The following ABHD6 variants were observed in gnomAD, a reference collection of about 807,000 sequenced individuals.
ABHD6 encodes the protein monoacylglycerol lipase ABHD6.
Under a neutral mutation model 38.8 loss-of-function variants are expected in ABHD6, and 33 were observed. That is an observed-to-expected ratio of 0.85 (90% CI 0.64 to 1.14). The LOEUF (loss-of-function observed/expected upper bound fraction) is 1.14. Ranked by LOEUF, ABHD6 falls within the 50% of genes most tolerant of loss-of-function variation. ABHD6 has a pLI of 0.00. For synonymous variants in ABHD6, 147 were observed against 161.6 expected (o/e 0.91, Z 0.69); for missense variants, 380 against 422.6 (o/e 0.90, Z 0.88).
chr3:58,240,525 G>GA (rs982159786), intron 1 of ABHD6, among the ~76,000 whole-genome samples: 3 of 151,650 alleles, frequency 2.0e-5, no homozygotes, highest in Admixed American at 6.6e-5. Context: ...TCTGCAAGTT[G>GA]AAAAAAAATT....
Position 58,264,521 on chromosome 3 carries a change from C to T in ABHD6, c.120-2668C>T, listed in dbSNP as rs1185252432. On this transcript the variant is annotated intron_variant, in intron 3 of 9. Transcript: ENST00000478253. The stretch of plus-strand genomic sequence containing the variant: ...CCCGGGCAATACAGGGAGACCCAGT[C>T]TCTACCTAAAAAATAAAAAAATTAG... Among the ~76,000 whole-genome samples, 3 of 151,630 alleles carry T rather than the reference C, an allele frequency of 2.0e-5. No homozygotes were observed. In the East Asian group the frequency reaches 5.8e-4, roughly 29 times the overall value.
At position 58,265,835 on chromosome 3, in the gene ABHD6, G is replaced by A. The variant is rs974264454; in HGVS notation, c.120-1354G>A. Reference sequence around the variant, plus strand: ...TAAGAGTGAGCCAGAAGCAAGAGGGGACCAGACTCACTTTTATCAGGAATC... The same window carrying A: ...TAAGAGTGAGCCAGAAGCAAGAGGGAACCAGACTCACTTTTATCAGGAATC... On this transcript the variant is annotated intron_variant, in intron 3 of 9. Transcript: ENST00000478253. This position sits in a 1 kb window ranked among gnomAD's most constrained non-coding sequence, Gnocchi z 4.2. Among the ~76,000 whole-genome samples the A allele has an allele frequency of 1.4e-4, 22 of 152,160 alleles. No individual in the cohort carries two copies. Among genetic ancestry groups the A allele is most frequent in the Non-Finnish European group, 2.4e-4 (16 of 68,036 alleles).
At chr3:58,281,656 A>C (rs2097453364) in intron 7 of ABHD6, among the ~76,000 whole-genome samples, 1 of 152,232 alleles carries the variant, frequency 6.6e-6, no homozygotes, top group African/African-American at 2.4e-5. Flanking sequence ...GGAAATGCAG[A>C]AATCACCCGC....
At chr3:58,277,273 C>T (rs1021180356) in intron 7 of ABHD6, among the ~76,000 whole-genome samples, 5 of 152,016 alleles carry the variant, frequency 3.3e-5, no homozygotes, top group Admixed American at 6.6e-5. Context: ...CATTTGTTAG[C>T]GTCCTCTTTT....
In ABHD6 at chr3:58,259,216, T is replaced by C. The variant is rs990127379; in HGVS notation, c.119+2511T>C. The stretch of plus-strand genomic sequence containing the variant: ...CTCATGTGGAAACTAGCCTCAATGC[T>C]GCATAGTCCCCCAACAGTTCCCTGG... On this transcript the variant is annotated intron_variant, in intron 3 of 9. Transcript: ENST00000478253. The surrounding 1 kb of genome is among the most constrained non-coding windows in gnomAD (Gnocchi z 4.7). 6.6e-5 allele frequency among the ~76,000 whole-genome samples: 10 copies of C among 152,350 alleles called. No homozygotes were observed. Among genetic ancestry groups the C allele is most frequent in the African/African-American group, 2.2e-4 (9 of 41,584 alleles).
intron 1 of ABHD6, 101 bp from the exon 2 acceptor site, chr3:58,249,777 T>A (rs1051989886): frequency 2.0e-5 from 3 of 152,220 alleles, no homozygotes; most frequent in African/African-American, 7.2e-5. Flanking sequence ...AAAAGAGTGC[T>A]CCACCTTCAC....
rs2097446162 is a variant in ABHD6 at position 58,273,067 on chromosome 3, C to T, written c.524-1591C>T. Among the ~76,000 whole-genome samples, 1 of 151,996 alleles carries T rather than the reference C, an allele frequency of 6.6e-6. No individual in the cohort carries two copies. The highest frequency in any genetic ancestry group is 6.6e-5 in the Admixed American group (1 of 15,244). ...GTTCTGGGATCCAGTCCAGGATGTA[C>T]CACATGACATCTAACCTAGGTTTAG... On this transcript the variant is annotated intron_variant, in intron 6 of 9. Coordinates refer to ENST00000478253, the MANE Select transcript of ABHD6 (RefSeq NM_001320126.2). This position sits in a 1 kb window ranked among gnomAD's most constrained non-coding sequence, Gnocchi z 4.8.
intron 7 of ABHD6, among the ~76,000 whole-genome samples, chr3:58,284,502 G>C (rs2097455554): frequency 6.6e-6 from 1 of 151,110 alleles, no homozygotes; most frequent in Admixed American, 6.6e-5. Flanking sequence ...CCAGGTTGGA[G>C]TGCAGTGGCG....
rs2097456043 is a variant in ABHD6 at position 58,285,205 on chromosome 3, T to G, written c.736+66T>G. The G allele has an allele frequency of 5.7e-6, 9 of 1,571,392 alleles. No individual in the cohort carries two copies. Among genetic ancestry groups the G allele is most frequent in the South Asian group, 1.1e-5 (1 of 90,180 alleles). On this transcript the variant is annotated intron_variant, in intron 8 of 9. Coordinates refer to ENST00000478253, the MANE Select transcript of ABHD6 (RefSeq NM_001320126.2). This position sits in a 1 kb window ranked among gnomAD's most constrained non-coding sequence, Gnocchi z 4.9. ...AAGCTCTGTGGATGGATGGCTTTTA[T>G]TTCTTAAATCTCTGACACTTTGAAT...
Position 58,273,064 on chromosome 3 carries a change from G to A in ABHD6, c.524-1594G>A, listed in dbSNP as rs1034841433. Among the ~76,000 whole-genome samples, 3 of 152,104 alleles carry A rather than the reference G, an allele frequency of 2.0e-5. No homozygotes were observed. Among genetic ancestry groups the A allele is most frequent in the African/African-American group, 4.8e-5 (2 of 41,396 alleles). Reference sequence around the variant, plus strand: ...TCTGTTCTGGGATCCAGTCCAGGATGTACCACATGACATCTAACCTAGGTT... The same window carrying A: ...TCTGTTCTGGGATCCAGTCCAGGATATACCACATGACATCTAACCTAGGTT... On this transcript the variant is annotated intron_variant, in intron 6 of 9. Transcript: ENST00000478253. The surrounding 1 kb of genome is among the most constrained non-coding windows in gnomAD (Gnocchi z 4.8).
chr3:58,243,334 G>T (rs868494497), intron 1 of ABHD6, among the ~76,000 whole-genome samples: 2 of 152,074 alleles, frequency 1.3e-5, no homozygotes, highest in African/African-American at 2.4e-5. Context: ...TTACAGTCCC[G>T]CCCAGCCAGT....
intron 6 of ABHD6, 113 bp downstream of exon 6, chr3:58,271,177 G>T: frequency 8.3e-7 from 1 of 1,206,892 alleles, no homozygotes; most frequent in Admixed American, 3.4e-5. Flanking sequence ...ATGCTTGAGA[G>T]ATATGCAGTG....
At chr3:58,271,439 G>A (rs1005428323) in intron 6 of ABHD6, among the ~76,000 whole-genome samples, 1 of 151,528 alleles carries the variant, frequency 6.6e-6, no homozygotes, top group African/African-American at 2.4e-5. Flanking sequence ...AACATTTATC[G>A]GGCTCTTACG....
intron 9 of ABHD6, among the ~76,000 whole-genome samples, chr3:58,291,307 C>T (rs1165995128): frequency 4.6e-5 from 7 of 151,712 alleles, no homozygotes; most frequent in Non-Finnish European, 8.8e-5. Flanking sequence ...AGGGAGGTTG[C>T]AGTGAGCCGA....
rs907053277 is a variant in ABHD6, at chr3:58,237,826, G to GGAGCCCGGCGGCAGGTCC, written c.-180_-163dup. ...GCCGGAGCTGGGAGCGGCGCGGGTAGGAGCCCGGCGGCAGGTCCCAGCCCG... is the reference window on the plus strand; with the variant it reads ...GCCGGAGCTGGGAGCGGCGCGGGTAGGAGCCCGGCGGCAGGTCCGAGCCCGGCGGCAGGTCCCAGCCCG... On this transcript the variant is annotated 5_prime_UTR_variant, in exon 1 of 10. Transcript: ENST00000478253. The GGAGCCCGGCGGCAGGTCC allele has an allele frequency of 6.6e-6, 1 of 152,058 alleles. No homozygotes were observed. Among genetic ancestry groups the GGAGCCCGGCGGCAGGTCC allele is most frequent in the African/African-American group, 2.4e-5 (1 of 41,412 alleles). The allele number at this position is 152,058 out of a possible 1,614,324, so 9.4% of individuals were successfully genotyped here.
At chr3:58,247,487 C>G (rs1049059443) in intron 1 of ABHD6, among the ~76,000 whole-genome samples, 1 of 152,164 alleles carries the variant, frequency 6.6e-6, no homozygotes, top group Admixed American at 6.5e-5. Flanking sequence ...TTTTAAGCAG[C>G]CACATGTGAC....
intron 5 of ABHD6, among the ~76,000 whole-genome samples, chr3:58,270,717 T>C (rs2097444246): frequency 6.6e-6 from 1 of 152,174 alleles, no homozygotes; most frequent in Admixed American, 6.5e-5. Flanking sequence ...GTTGATTTTA[T>C]ATTTATAAAT....
At position 58,293,832 on chromosome 3, in the gene ABHD6, C is replaced by G; in HGVS notation, c.*67C>G. 1 of 1,556,934 alleles carries G rather than the reference C, an allele frequency of 6.4e-7. No individual in the cohort carries two copies. The highest frequency in any genetic ancestry group is 8.7e-7 in the Non-Finnish European group (1 of 1,145,970). On this transcript the variant is annotated 3_prime_UTR_variant, in exon 10 of 10. Transcript: ENST00000478253. This position sits in a 1 kb window ranked among gnomAD's most constrained non-coding sequence, Gnocchi z 4.4. Reference sequence around the variant, plus strand: ...CCATCCCCCAAGTCTGACGCAGCCACCACTCTCAGGGATCCTGCCCCAAAT... The same window carrying G: ...CCATCCCCCAAGTCTGACGCAGCCAGCACTCTCAGGGATCCTGCCCCAAAT...
At chr3:58,262,283 A>T (rs775972606) in intron 3 of ABHD6, among the ~76,000 whole-genome samples, 1 of 152,212 alleles carries the variant, frequency 6.6e-6, no homozygotes. Flanking sequence ...GTGTAATGTC[A>T]TTGATCGTAC....
Sources: gnomAD v4.1 joint callset for allele counts (sites outside exome capture counted in the v4.1 genomes callset) on GRCh38, gnomAD v4.1.1 for gene constraint, Gnocchi (gnomAD v3.1) non-coding constraint, MANE v1.5 for transcripts, NCBI Gene and HGNC (gene_info 2026-07-23, HGNC 2026-07-21) for gene names.